PPFIA2: variants seen among roughly 807,000 people sequenced by gnomAD.
The protein encoded by PPFIA2 is PPFI scaffold protein A2.
A neutral mutation model predicts 175.5 loss-of-function variants in PPFIA2; 46 were observed. The ratio of observed to expected loss-of-function variants is 0.26; its 90% CI spans 0.21 to 0.34. The LOEUF is 0.34. Among genes scored for constraint, PPFIA2 ranks in the 10% least tolerant of loss-of-function variants. PPFIA2 has a pLI of 1.00. For missense variants in PPFIA2, 1,179 were observed against 1,506.1 expected, an observed-to-expected ratio of 0.78 and a Z score of 3.60; for synonymous variants, 568 against 511.4, an observed-to-expected ratio of 1.11 and a Z score of -1.49.
At chr12:81,417,004 T>C (rs2045396051) in intron 7 of PPFIA2, among the ~76,000 whole-genome samples, 1 of 151,704 alleles carries the variant, frequency 6.6e-6, no homozygotes, top group Non-Finnish European at 1.5e-5. Flanking sequence ...TGACTAAAAG[T>C]TTATATTTCA....
chr12:81,598,148 G>T (rs2059442522), intron 4 of PPFIA2: 3 of 1,472,632 alleles, frequency 2.0e-6, no homozygotes, highest in Admixed American at 2.4e-5. Context: ...AATGAAATCT[G>T]CCCCATCCTT....
chr12:81,620,365 T>C (rs1308637591), intron 4 of PPFIA2, among the ~76,000 whole-genome samples: 1 of 152,134 alleles, frequency 6.6e-6, no homozygotes. Flanking sequence ...CAAACAATAA[T>C]GATTCACATC....
chr12:81,478,748 G>T (rs2057806593), intron 4 of PPFIA2, among the ~76,000 whole-genome samples: 1 of 152,124 alleles, frequency 6.6e-6, no homozygotes, highest in Non-Finnish European at 1.5e-5. Flanking sequence ...TCTTAATCCT[G>T]AGTTCTAATT....
intron 7 of PPFIA2, among the ~76,000 whole-genome samples, chr12:81,434,836 T>C (rs1314982068): frequency 6.6e-6 from 1 of 152,050 alleles, no homozygotes; most frequent in Admixed American, 6.5e-5. Flanking sequence ...ATAAGAATAA[T>C]GAAAAGTTAT....
intron 4 of PPFIA2, among the ~76,000 whole-genome samples, chr12:81,674,005 C>T (rs1050887353): frequency 6.6e-6 from 1 of 151,832 alleles, no homozygotes; most frequent in Non-Finnish European, 1.5e-5. Context: ...TTATTCTTAC[C>T]AGATATGCAA....
chr12:81,494,530 G>C (rs1479775457), intron 4 of PPFIA2, among the ~76,000 whole-genome samples: 1 of 151,688 alleles, frequency 6.6e-6, no homozygotes, highest in African/African-American at 2.4e-5. Flanking sequence ...GTGGAAGTCA[G>C]TGTGGCGATT....
chr12:81,281,982 C>T (rs763892759), intron 26 of PPFIA2, among the ~76,000 whole-genome samples: 3 of 151,888 alleles, frequency 2.0e-5, no homozygotes, highest in Non-Finnish European at 2.9e-5. Context: ...CAAAGCAGGT[C>T]GTCAGCTTTC....
In PPFIA2 at chr12:81,362,621, G is replaced by T. The variant is rs1354903050; in HGVS notation, c.1637+72C>A. ...GAAGTACTGATTTATTTTAGTTGAG[G>T]ACATATGAAACCATAAGGGAATTCA... On this transcript the variant is annotated intron_variant, in intron 15 of 32. Transcript: ENST00000549396. The T allele has an allele frequency of 6.1e-6, 6 of 988,424 alleles. No homozygotes were observed. In the East Asian group the frequency reaches 1.3e-4, roughly 22 times the overall value. The allele number at this position is 988,424 out of a possible 1,614,324, so 61.2% of individuals were successfully genotyped here.
chr12:81,727,733 A>T (rs535253670), intron 3 of PPFIA2, among the ~76,000 whole-genome samples: 5 of 151,526 alleles, frequency 3.3e-5, no homozygotes, highest in South Asian at 4.1e-4. Flanking sequence ...AACAGCCAGG[A>T]TCATTTTTTC....
At chr12:81,343,852 G>T (rs1160576232) in intron 19 of PPFIA2, among the ~76,000 whole-genome samples, 1 of 152,008 alleles carries the variant, frequency 6.6e-6, no homozygotes. Flanking sequence ...CATCTGGAGA[G>T]GATGCTCCTC....
Position 81,657,631 on chromosome 12 carries a change from A to T in PPFIA2, c.303+19160T>A, listed in dbSNP as rs547974306. 4.3e-4 allele frequency among the ~76,000 whole-genome samples: 65 copies of T among 152,338 alleles called. 1 individual carries two copies. The South Asian group carries it at 0.011, about 25-fold the overall frequency. On this transcript the variant is annotated intron_variant, in intron 4 of 32. Transcript: ENST00000549396. The stretch of plus-strand genomic sequence containing the variant: ...ATTTTGAAAAAGATTTCTAAGAATC[A>T]ATTTCAATTTTATTTTCTAAATAAA...
At chr12:81,546,730 C>T (rs1274316953) in intron 4 of PPFIA2, among the ~76,000 whole-genome samples, 3 of 145,690 alleles carry the variant, frequency 2.1e-5, no homozygotes, top group Admixed American at 6.9e-5. Context: ...TCTCTTACCT[C>T]TTTTTTTTTT....
intron 21 of PPFIA2, among the ~76,000 whole-genome samples, chr12:81,337,511 T>C (rs1373213404): frequency 1.3e-5 from 2 of 152,204 alleles, no homozygotes; most frequent in African/African-American, 4.8e-5. Context: ...AAAGGTTCTA[T>C]ACTTTTCTAG....
chr12:81,298,691 CA>C (rs2047083845), intron 23 of PPFIA2, among the ~76,000 whole-genome samples: 1 of 152,184 alleles, frequency 6.6e-6, no homozygotes, highest in Admixed American at 6.5e-5. Flanking sequence ...CTGCCTCCTA[CA>C]CTGTTCAGAT....
At chr12:81,424,734 G>T (rs897042294) in intron 7 of PPFIA2, 7 of 152,050 alleles carry the variant, frequency 4.6e-5, no homozygotes, top group Non-Finnish European at 8.8e-5. Context: ...TCCTGATCTC[G>T]CCCTTAAAAG....
intron 4 of PPFIA2, among the ~76,000 whole-genome samples, chr12:81,610,823 C>A (rs1319418144): frequency 6.6e-6 from 1 of 152,158 alleles, no homozygotes; most frequent in East Asian, 1.9e-4. Context: ...AGTTCCGGAA[C>A]TGATTCTTTC....
chr12:81,347,218 G>A (rs1213617823), intron 18 of PPFIA2, among the ~76,000 whole-genome samples: 1 of 151,774 alleles, frequency 6.6e-6, no homozygotes, highest in Admixed American at 6.6e-5. Context: ...CTCCAAAAGC[G>A]CTAGGATTAT....
At chr12:81,624,922 A>G (rs2062517090) in intron 4 of PPFIA2, among the ~76,000 whole-genome samples, 1 of 151,564 alleles carries the variant, frequency 6.6e-6, no homozygotes, top group South Asian at 2.1e-4. Context: ...AGAATTCACC[A>G]CTATGTAATT....
chr12:81,471,147 ATTT>A (rs1459823895), intron 4 of PPFIA2: 3 of 113,838 alleles, frequency 2.6e-5, no homozygotes, highest in Admixed American at 8.7e-5. Context: ...TTATTTATTT[ATTT>A]ATTTGAGACA....
Sources: allele counts gnomAD v4.1 joint callset (sites outside exome capture counted in the v4.1 genomes callset), GRCh38; gene constraint gnomAD v4.1.1; transcripts MANE v1.5; gene names NCBI Gene and HGNC (gene_info 2026-07-23, HGNC 2026-07-21).